The following MSRA variants were observed in gnomAD, a reference collection of about 807,000 sequenced individuals.
The protein encoded by MSRA is methionine sulfoxide reductase A, also known as mitochondrial peptide methionine sulfoxide reductase.
A neutral mutation model predicts 31.3 loss-of-function variants in MSRA; 54 were observed. The observed-to-expected ratio is 1.73, with a 90% CI of 1.39 to 2.17. The LOEUF is 2.17. Ranked by LOEUF, MSRA falls within the 30% of genes most tolerant of loss-of-function variation. The probability of loss-of-function intolerance (pLI) is 0.00; values close to 1 mark genes in which losing one functional copy is unlikely to be tolerated. For synonymous variants in MSRA, 169 were observed against 116.5 expected (o/e 1.45, Z -2.90); for missense variants, 507 against 300.9 (o/e 1.69, Z -5.07).
At chr8:10,183,356 CA>C (rs1806714046) in intron 1 of MSRA, among the ~76,000 whole-genome samples, 1 of 152,112 alleles carries the variant, frequency 6.6e-6, no homozygotes, top group Admixed American at 6.6e-5. Flanking sequence ...CTCTGTTTGC[CA>C]GGGGCTAAGT....
At chr8:10,137,486 A>C (rs1802369577) in intron 1 of MSRA, among the ~76,000 whole-genome samples, 1 of 152,178 alleles carries the variant, frequency 6.6e-6, no homozygotes, top group Non-Finnish European at 1.5e-5. Context: ...TTTCATTCCA[A>C]GATTGTGGTA....
chr8:10,125,479 C>G (rs1244246372), intron 1 of MSRA, among the ~76,000 whole-genome samples: 1 of 152,146 alleles, frequency 6.6e-6, no homozygotes, highest in African/African-American at 2.4e-5. Context: ...GTACCAGGGC[C>G]AGAGGGAGTC....
chr8:10,116,186 G>A (rs756377165), intron 1 of MSRA, among the ~76,000 whole-genome samples: 3 of 152,080 alleles, frequency 2.0e-5, no homozygotes, highest in African/African-American at 7.2e-5. Context: ...CCAACCCGTG[G>A]GCCACATGTG....
chr8:10,122,436 T>G (rs759145027), intron 1 of MSRA, among the ~76,000 whole-genome samples: 25 of 152,114 alleles, frequency 1.6e-4, no homozygotes, highest in Non-Finnish European at 3.1e-4. Context: ...AAAACAAAAC[T>G]GTGATGTAAA....
At chr8:10,110,073 C>G (rs1309206359) in intron 1 of MSRA, among the ~76,000 whole-genome samples, 10 of 152,152 alleles carry the variant, frequency 6.6e-5, no homozygotes, top group Non-Finnish European at 2.9e-5. Context: ...TGATTGCAGC[C>G]ACAGTTCATG....
At chr8:10,072,960 A>G (rs565461901) in intron 1 of MSRA, among the ~76,000 whole-genome samples, 1 of 152,244 alleles carries the variant, frequency 6.6e-6, no homozygotes, top group East Asian at 1.9e-4. Flanking sequence ...ACATCTTTCA[A>G]CCTTGCTGAA....
At chr8:10,099,192 G>T (rs1799373709) in intron 1 of MSRA, among the ~76,000 whole-genome samples, 1 of 152,030 alleles carries the variant, frequency 6.6e-6, no homozygotes, top group African/African-American at 2.4e-5. Context: ...GAAGGCATAG[G>T]TTCATCTTTG....
chr8:10,202,363 T>A (rs891738189), intron 1 of MSRA, among the ~76,000 whole-genome samples: 5 of 152,252 alleles, frequency 3.3e-5, no homozygotes, highest in African/African-American at 1.2e-4. Context: ...GGAAAGTAGC[T>A]CTCAGATTTC....
At chr8:10,149,214 C>T (rs1055701855) in intron 1 of MSRA, among the ~76,000 whole-genome samples, 3 of 151,924 alleles carry the variant, frequency 2.0e-5, no homozygotes, top group African/African-American at 4.8e-5. Flanking sequence ...TTCCGCCTCC[C>T]GGGTTCAAGC....
At chr8:10,324,295 C>G (rs1206038927) in intron 5 of MSRA, among the ~76,000 whole-genome samples, 2 of 152,140 alleles carry the variant, frequency 1.3e-5, no homozygotes, top group Non-Finnish European at 2.9e-5. Flanking sequence ...ATTTAGAGAG[C>G]ATAGCAGTTC....
Position 10,065,960 on chromosome 8 carries a change from G to C in MSRA, c.142+11302G>C, listed in dbSNP as rs1585074523. ...TCCTCCTGGCTTCAGGGCCTTTATGGCTGAAACTTCAATTATATATATAAA... is the reference window on the plus strand; with the variant it reads ...TCCTCCTGGCTTCAGGGCCTTTATGCCTGAAACTTCAATTATATATATAAA... On this transcript the variant is annotated intron_variant, in intron 1 of 5. Coordinates refer to ENST00000317173, the MANE Select transcript of MSRA (RefSeq NM_012331.5). Among the ~76,000 whole-genome samples, 9 of 150,392 alleles carry C rather than the reference G, an allele frequency of 6.0e-5. No individual in the cohort carries two copies. In the South Asian group the frequency reaches 1.9e-3, roughly 31 times the overall value.
chr8:10,157,704 C>G (rs1294249275), intron 1 of MSRA, among the ~76,000 whole-genome samples: 1 of 151,974 alleles, frequency 6.6e-6, no homozygotes, highest in African/African-American at 2.4e-5. Flanking sequence ...ATACTTTGTT[C>G]AAATCAGGAC....
chr8:10,132,509 A>C (rs1361987709), intron 1 of MSRA, among the ~76,000 whole-genome samples: 3 of 152,124 alleles, frequency 2.0e-5, no homozygotes, highest in Non-Finnish European at 2.9e-5. Context: ...AGATCAAGGC[A>C]CTGGCAGACT....
chr8:10,304,753 G>A (rs1352752287), intron 4 of MSRA, among the ~76,000 whole-genome samples: 2 of 152,176 alleles, frequency 1.3e-5, no homozygotes, highest in Admixed American at 6.5e-5. Context: ...AAAGAAAGCC[G>A]CCACTAGAGA....
At chr8:10,380,672 C>T (rs531832875) in intron 5 of MSRA, among the ~76,000 whole-genome samples, 58 of 152,138 alleles carry the variant, frequency 3.8e-4, no homozygotes, top group Non-Finnish European at 6.8e-4. Context: ...GTATGCTTGG[C>T]GCACAATAAG....
At chr8:10,194,040 A>AAG (rs143414404) in intron 1 of MSRA, among the ~76,000 whole-genome samples, 3,342 of 152,216 alleles carry the variant, frequency 0.022, 125 homozygotes, top group African/African-American at 0.076. Context: ...GAAAAATTGC[A>AAG]AGAGAGAGAG....
chr8:10,193,508 G>A (rs374765756), intron 1 of MSRA, among the ~76,000 whole-genome samples: 69 of 152,292 alleles, frequency 4.5e-4, no homozygotes, highest in African/African-American at 1.5e-3. Context: ...ATTCAGGGAC[G>A]ATAACCAAGC....
intron 3 of MSRA, among the ~76,000 whole-genome samples, chr8:10,272,450 C>T (rs893403762): frequency 6.6e-6 from 1 of 152,196 alleles, no homozygotes; most frequent in Non-Finnish European, 1.5e-5. Context: ...TCCTTCAAGC[C>T]GGAGGAGTCC....
At chr8:10,196,104 C>T (rs1807959982) in intron 1 of MSRA, among the ~76,000 whole-genome samples, 1 of 152,206 alleles carries the variant, frequency 6.6e-6, no homozygotes, top group African/African-American at 2.4e-5. Flanking sequence ...TGCTCTCTGA[C>T]AGCTGACAGT....
Sources: gnomAD v4.1 joint callset for allele counts (sites outside exome capture counted in the v4.1 genomes callset) on GRCh38, gnomAD v4.1.1 for gene constraint, MANE v1.5 for transcripts, NCBI Gene and HGNC (gene_info 2026-07-23, HGNC 2026-07-21) for gene names.